Variants in ERBB4 observed in about 807,000 individuals in gnomAD.
ERBB4 encodes erb-b2 receptor tyrosine kinase 4, also known as receptor tyrosine-protein kinase erbB-4.
A neutral mutation model predicts 158.0 loss-of-function variants in ERBB4; 42 were observed. The observed-to-expected ratio is 0.27, with a 90% confidence interval of 0.21 to 0.34. The LOEUF (loss-of-function observed/expected upper bound fraction) is 0.34. ERBB4 is among the 10% of genes least tolerant of loss of function. The probability of loss-of-function intolerance (pLI) is 1.00; values close to 1 mark genes in which losing one functional copy is unlikely to be tolerated. For missense variants in ERBB4, 1,333 were observed against 1,624.1 expected, an observed-to-expected ratio of 0.82 and a Z score of 3.08; for synonymous variants, 583 against 558.7, an observed-to-expected ratio of 1.04 and a Z score of -0.61.
intron 1 of ERBB4, among the ~76,000 whole-genome samples, chr2:212,483,019 T>C (rs918765178): frequency 1.8e-4 from 27 of 152,076 alleles, no homozygotes; most frequent in African/African-American, 6.5e-4. Flanking sequence ...TGCCACCATA[T>C]AGTTCTGCCT....
intron 20 of ERBB4, among the ~76,000 whole-genome samples, chr2:211,515,912 A>ATATATATATATAT (rs35696520): frequency 2.5e-5 from 2 of 78,984 alleles, no homozygotes; most frequent in African/African-American, 1.1e-4. Context: ...ATATATATAT[A>ATATATATATATAT]TTTTTTTTTT....
At chr2:212,363,915 G>T (rs1027344410) in intron 1 of ERBB4, among the ~76,000 whole-genome samples, 2 of 151,644 alleles carry the variant, frequency 1.3e-5, no homozygotes, top group Admixed American at 1.3e-4. Context: ...AACAGCTAAT[G>T]GAAAGAGGAT....
chr2:211,697,989 C>T (rs777003178), intron 12 of ERBB4, among the ~76,000 whole-genome samples: 3 of 152,062 alleles, frequency 2.0e-5, no homozygotes, highest in Non-Finnish European at 1.5e-5. Flanking sequence ...TAATATGGTA[C>T]TAGTCCAGCA....
At chr2:212,293,745 G>C (rs2086292137) in intron 1 of ERBB4, among the ~76,000 whole-genome samples, 3 of 150,944 alleles carry the variant, frequency 2.0e-5, no homozygotes, top group African/African-American at 7.3e-5. Flanking sequence ...CTACTCAGGA[G>C]GCTGAGGCAG....
intron 1 of ERBB4, among the ~76,000 whole-genome samples, chr2:212,512,469 A>G (rs1431716089): frequency 6.6e-6 from 1 of 152,144 alleles, no homozygotes; most frequent in African/African-American, 2.4e-5. Flanking sequence ...GCAGAACCCA[A>G]TAAATAGTAT....
intron 20 of ERBB4, among the ~76,000 whole-genome samples, chr2:211,513,384 A>C (rs1012487955): frequency 6.7e-6 from 1 of 149,772 alleles, no homozygotes; most frequent in Non-Finnish European, 1.5e-5. Context: ...AAACAAAAAA[A>C]AAACACTGAT....
intron 16 of ERBB4, among the ~76,000 whole-genome samples, chr2:211,639,354 G>A (rs75385807): frequency 0.013 from 1,989 of 152,214 alleles, 54 homozygotes; most frequent in African/African-American, 0.045. Context: ...AGATTTAAAT[G>A]TCCAGGATTC....
At chr2:211,863,540 C>A (rs1294111671) in intron 3 of ERBB4, among the ~76,000 whole-genome samples, 1 of 152,162 alleles carries the variant, frequency 6.6e-6, no homozygotes, top group Non-Finnish European at 1.5e-5. Flanking sequence ...AACTAAGAAC[C>A]CACTGGGAGG....
intron 19 of ERBB4, among the ~76,000 whole-genome samples, chr2:211,568,386 C>T (rs541729203): frequency 6.6e-6 from 1 of 152,224 alleles, no homozygotes; most frequent in Admixed American, 6.5e-5. Flanking sequence ...GAAGGGAAGA[C>T]ATTTTTGTAC....
intron 3 of ERBB4, among the ~76,000 whole-genome samples, chr2:211,839,948 T>G (rs1164503638): frequency 1.3e-5 from 2 of 152,128 alleles, no homozygotes; most frequent in African/African-American, 4.8e-5. Context: ...ACATGTAGAC[T>G]GACACTGCCC....
At chr2:211,849,448 CAATT>C (rs1189514939) in intron 3 of ERBB4, among the ~76,000 whole-genome samples, 2 of 151,650 alleles carry the variant, frequency 1.3e-5, no homozygotes, top group African/African-American at 2.4e-5. Context: ...CAGTAGTACC[CAATT>C]ATTATAGTAA....
At chr2:212,126,510 A>T (rs539960993) in intron 1 of ERBB4, among the ~76,000 whole-genome samples, 76 of 150,840 alleles carry the variant, frequency 5.0e-4, no homozygotes, top group African/African-American at 1.6e-3. Flanking sequence ...CAGAAGCCAG[A>T]TTTTTAGATA....
chr2:211,886,699 G>T (rs979207822), intron 3 of ERBB4, among the ~76,000 whole-genome samples: 2 of 152,162 alleles, frequency 1.3e-5, no homozygotes, highest in African/African-American at 4.8e-5. Flanking sequence ...ACAAATGAAA[G>T]AAATGCCATT....
rs548382848 is a variant in ERBB4, at chr2:211,492,095, G to C, written c.2488-60995C>G. 1.2e-3 allele frequency among the ~76,000 whole-genome samples: 178 copies of C among 152,020 alleles called. No homozygotes were observed. The Middle Eastern group carries it at 0.014, about 12-fold the overall frequency. ...GAAAAAAAAAAAGAATTAAGCAAGTGAGTTTGTTTTAAACTGAATAGGATA... is the reference window on the plus strand; with the variant it reads ...GAAAAAAAAAAAGAATTAAGCAAGTCAGTTTGTTTTAAACTGAATAGGATA... On this transcript the variant is annotated intron_variant, in intron 20 of 27. Coordinates refer to ENST00000342788, the MANE Select transcript of ERBB4 (RefSeq NM_005235.3).
At chr2:211,828,466 T>C (rs988713614) in intron 3 of ERBB4, among the ~76,000 whole-genome samples, 1 of 152,068 alleles carries the variant, frequency 6.6e-6, no homozygotes, top group Non-Finnish European at 1.5e-5. Context: ...CCTAGAATTC[T>C]TCTAGGGTCA....
At chr2:211,862,844 C>T (rs185124482) in intron 3 of ERBB4, among the ~76,000 whole-genome samples, 7 of 152,130 alleles carry the variant, frequency 4.6e-5, no homozygotes, top group African/African-American at 1.4e-4. Context: ...CTTCCTGGGT[C>T]GAGTGGGGAC....
At chr2:211,716,532 C>A (rs1306403093) in intron 7 of ERBB4, among the ~76,000 whole-genome samples, 1 of 151,384 alleles carries the variant, frequency 6.6e-6, no homozygotes, top group Admixed American at 6.6e-5. Flanking sequence ...AAAAATTAGC[C>A]GGGCCTGGTG....
chr2:212,263,717 A>T (rs572852075), intron 1 of ERBB4, among the ~76,000 whole-genome samples: 281 of 152,146 alleles, frequency 1.8e-3, no homozygotes, highest in Middle Eastern at 6.8e-3. Flanking sequence ...TTGGTCCCAT[A>T]ATAAAAGAGT....
rs139978783 is a variant in ERBB4, at chr2:212,234,039, G to C, written c.83-109136C>G. ...TTGGGATACATGTGCAGAACGCACA[G>C]GTTTGTTACATAGGTATACACATGC... On this transcript the variant is annotated intron_variant, in intron 1 of 27. Coordinates refer to ENST00000342788, the MANE Select transcript of ERBB4 (RefSeq NM_005235.3). Among the ~76,000 whole-genome samples, 1,176 of 151,326 alleles carry C rather than the reference G, an allele frequency of 7.8e-3. 10 individuals carry two copies. The highest frequency in any genetic ancestry group is 0.013 in the Non-Finnish European group (908 of 67,868).
Sources: allele counts gnomAD v4.1 joint callset (sites outside exome capture counted in the v4.1 genomes callset), GRCh38; gene constraint gnomAD v4.1.1; transcripts MANE v1.5; gene names NCBI Gene and HGNC (gene_info 2026-07-23, HGNC 2026-07-21).